Variants in SCN7A observed in about 807,000 individuals in gnomAD.
SCN7A encodes the protein sodium voltage-gated channel alpha subunit 7.
Under a neutral mutation model 155.2 loss-of-function variants are expected in SCN7A, and 138 were observed. The ratio of observed to expected loss-of-function variants is 0.89; its 90% CI spans 0.77 to 1.02. The LOEUF (loss-of-function observed/expected upper bound fraction) is 1.02, where lower values mean the gene tolerates loss of function less well. Among genes scored for constraint, SCN7A ranks in the 50% least tolerant of loss-of-function variants. SCN7A has a pLI of 0.00. For synonymous variants in SCN7A, 693 were observed against 649.0 expected, an observed-to-expected ratio of 1.07 and a Z score of -1.03; for missense variants, 2,058 against 1,986.6, an observed-to-expected ratio of 1.04 and a Z score of -0.68.
intron 11 of SCN7A, among the ~76,000 whole-genome samples, chr2:166,450,279 T>C (rs1329610432): frequency 6.6e-6 from 1 of 151,944 alleles, no homozygotes; most frequent in East Asian, 1.9e-4. Flanking sequence ...ACATGGACAT[T>C]AAGATGGGAA....
In SCN7A at chr2:166,421,309, T is replaced by G; in HGVS notation, c.3028-12A>C. On this transcript the variant is annotated splice_polypyrimidine_tract_variant and intron_variant, in intron 19 of 25. Coordinates refer to ENST00000643258, the MANE Select transcript of SCN7A (RefSeq NM_002976.4). ...CTAAGACAAAACACCTATATATTTT[T>G]TTTAAAAAAAGAGTGAATAGGATTC... 7.0e-7 allele frequency: 1 copy of G among 1,434,528 alleles called. No homozygotes were observed. The highest frequency in any genetic ancestry group is 9.3e-7 in the Non-Finnish European group (1 of 1,078,360). The allele number at this position is 1,434,528 out of a possible 1,614,324, so 88.9% of individuals were successfully genotyped here. A position where few individuals can be genotyped will look rare whatever the true frequency, so the allele number is the denominator to read the frequency against.
intron 20 of SCN7A, 117 bp from the exon 21 acceptor site, chr2:166,417,102 G>T (rs903123375): frequency 3.0e-5 from 24 of 789,116 alleles, no homozygotes; most frequent in African/African-American, 1.6e-4. Flanking sequence ...ACCTTAAAAG[G>T]CCATATCTAA....
chr2:166,405,896 A>C lies in SCN7A; in HGVS notation c.4733T>G (p.Leu1578Ter). The C allele has an allele frequency of 1.2e-6, 2 of 1,613,162 alleles. No homozygotes were observed. The highest frequency in any genetic ancestry group is 1.7e-6 in the Non-Finnish European group (2 of 1,179,398). Residue 1578 changes from leucine (L) to a stop codon, truncating the protein, a stop_gained, in exon 26 of 26, where the codon TTA becomes TGA. Transcript: ENST00000643258. LOFTEE classifies it low-confidence loss of function (END_TRUNC). ...CATAACTCTCTTTGTAAAAGCAAGTAAGATATCGAGGCAATGAATTCTGTC... is the reference window on the plus strand; with the variant it reads ...CATAACTCTCTTTGTAAAAGCAAGTCAGATATCGAGGCAATGAATTCTGTC... Reference protein sequence around the residue: ...VGDRIHCLDILLAFTKRVMGQ... With the variant: ...VGDRIHCLDI
At chr2:166,466,165 T>C (rs1031508061) in intron 7 of SCN7A, among the ~76,000 whole-genome samples, 178 bp from the exon 8 acceptor site, 1 of 152,190 alleles carries the variant, frequency 6.6e-6, no homozygotes, top group African/African-American at 2.4e-5. Context: ...TTGAGGTTTA[T>C]GTATTATTGC....
Position 166,429,203 on chromosome 2 carries a change from G to A in SCN7A, c.2664C>T (p.Phe888=). ...DIAISEEEEM[F]YGGERSKHLK... is the part of the protein sequence containing the mutation. The stretch of plus-strand genomic sequence containing the variant: ...GATGCTTTGATCTTTCACCTCCATA[G>A]AACATTTCTTCTTCTTCAGAGATAG... Residue 888 remains phenylalanine (F), a synonymous_variant, in exon 17 of 26, where the codon TTC becomes TTT. Transcript: ENST00000643258. The A allele has an allele frequency of 1.3e-6, 2 of 1,545,458 alleles. No individual in the cohort carries two copies. Among genetic ancestry groups the A allele is most frequent in the Non-Finnish European group, 1.7e-6 (2 of 1,143,856 alleles).
At chr2:166,410,714 G>T (rs1373197166) in intron 23 of SCN7A, among the ~76,000 whole-genome samples, 1 of 151,926 alleles carries the variant, frequency 6.6e-6, no homozygotes, top group Non-Finnish European at 1.5e-5. Flanking sequence ...GAAATAAACA[G>T]AAATGATCAT....
At chr2:166,428,287 C>T (rs1701665044) in intron 17 of SCN7A, among the ~76,000 whole-genome samples, 1 of 152,036 alleles carries the variant, frequency 6.6e-6, no homozygotes, top group South Asian at 2.1e-4. Context: ...CTGAATGTTA[C>T]ATTTTGATAT....
intron 1 of SCN7A, among the ~76,000 whole-genome samples, chr2:166,488,183 T>G (rs952913106): frequency 1.3e-5 from 2 of 152,220 alleles, no homozygotes; most frequent in Non-Finnish European, 1.5e-5. Context: ...TTGGGCAACT[T>G]GACTGCACTT....
intron 1 of SCN7A, among the ~76,000 whole-genome samples, chr2:166,490,167 CCATCATGAT>C (rs1258160912): frequency 6.6e-6 from 1 of 151,986 alleles, no homozygotes; most frequent in Non-Finnish European, 1.5e-5. Flanking sequence ...TTAACTATCA[CCATCATGAT>C]GTGCAATAGA....
chr2:166,475,199 A>C (rs1702770886), intron 3 of SCN7A, among the ~76,000 whole-genome samples: 1 of 147,182 alleles, frequency 6.8e-6, no homozygotes, highest in Non-Finnish European at 1.5e-5. Flanking sequence ...TTTGGAAAAA[A>C]AATCTTATTG....
At chr2:166,448,543 A>G (rs1702113738) in intron 11 of SCN7A, among the ~76,000 whole-genome samples, 1 of 152,184 alleles carries the variant, frequency 6.6e-6, no homozygotes, top group Non-Finnish European at 1.5e-5. Flanking sequence ...TGTTTCCATA[A>G]TGGCTGTACT....
Position 166,432,749 on chromosome 2 carries a change from G to T in SCN7A, c.2161C>A (p.Leu721Ile). The change falls in exon 16 of 26, where the codon CTT (leucine) becomes ATT (isoleucine). Residue 721 changes from leucine to isoleucine, a missense_variant. Coordinates refer to ENST00000643258, the MANE Select transcript of SCN7A (RefSeq NM_002976.4). ...CTCACCAATGCCAGAAACAGGTAAA[G>T]TACCTAAATAAGGAAGTAAAATGAG... is the stretch of plus-strand genomic sequence containing the variant. ...MVILIGNLLV[L>I]YLFLALVSSF... 1 of 1,524,860 alleles carries T rather than the reference G, an allele frequency of 6.6e-7. No homozygotes were observed. Among genetic ancestry groups the T allele is most frequent in the South Asian group, 1.3e-5 (1 of 75,196 alleles). The allele number at this position is 1,524,860 out of a possible 1,614,324, so 94.5% of individuals were successfully genotyped here. A position where few individuals can be genotyped will look rare whatever the true frequency, so the allele number is the denominator to read the frequency against.
At chr2:166,430,949 T>A (rs1326476416) in intron 16 of SCN7A, among the ~76,000 whole-genome samples, 1 of 151,988 alleles carries the variant, frequency 6.6e-6, no homozygotes, top group East Asian at 1.9e-4. Flanking sequence ...AATAAATGAA[T>A]ACATCTTTTG....
intron 10 of SCN7A, chr2:166,462,095 A>G (rs2105476883): frequency 5.5e-6 from 1 of 182,536 alleles, no homozygotes; most frequent in Middle Eastern, 2.1e-3. Flanking sequence ...TCTCAAAAAA[A>G]AAAAAAAAAA....
intron 5 of SCN7A, among the ~76,000 whole-genome samples, 153 bp from the exon 6 acceptor site, chr2:166,472,598 C>G (rs1702684663): frequency 6.6e-6 from 1 of 151,800 alleles, no homozygotes; most frequent in Non-Finnish European, 1.5e-5. Flanking sequence ...AACCAACCAC[C>G]AATAAATTAG....
At chr2:166,443,135 T>A (rs1050592374) in intron 14 of SCN7A, among the ~76,000 whole-genome samples, 4 of 152,194 alleles carry the variant, frequency 2.6e-5, no homozygotes, top group African/African-American at 9.6e-5. Context: ...CTGACTGGTC[T>A]TCCTTTATAC....
chr2:166,407,164 T>A (rs1366159191), intron 25 of SCN7A, among the ~76,000 whole-genome samples: 1 of 152,008 alleles, frequency 6.6e-6, no homozygotes, highest in East Asian at 1.9e-4. Flanking sequence ...ATGTCTGGCA[T>A]TCAGTGATTC....
chr2:166,425,862 T>C (rs749309973), intron 18 of SCN7A, among the ~76,000 whole-genome samples: 1 of 152,152 alleles, frequency 6.6e-6, no homozygotes, highest in Non-Finnish European at 1.5e-5. Flanking sequence ...GGGGATTATG[T>C]CATGGACATA....
At chr2:166,452,604 A>T (rs546960788) in intron 11 of SCN7A, among the ~76,000 whole-genome samples, 2 of 152,296 alleles carry the variant, frequency 1.3e-5, no homozygotes, top group Middle Eastern at 3.4e-3. Context: ...AATATTTTTT[A>T]AAAATATTTG....
Sources: allele counts gnomAD v4.1 joint callset (sites outside exome capture counted in the v4.1 genomes callset), GRCh38; gene constraint gnomAD v4.1.1; transcripts MANE v1.5; gene names NCBI Gene and HGNC (gene_info 2026-07-23, HGNC 2026-07-21).